Variants in HDAC9 observed in about 807,000 individuals in gnomAD.
The protein encoded by HDAC9 is MEF-2 interacting transcription repressor (MITR) protein.
Under a neutral mutation model 139.4 loss-of-function variants are expected in HDAC9, and 41 were observed. The observed-to-expected ratio is 0.29, with a 90% CI of 0.23 to 0.38. The LOEUF is 0.38. Among genes scored for constraint, HDAC9 ranks in the 10% least tolerant of loss-of-function variants. HDAC9 has a pLI of 1.00. For missense variants in HDAC9, 1,147 were observed against 1,297.0 expected (o/e 0.88, Z 1.78); for synonymous variants, 517 against 476.2 (o/e 1.09, Z -1.12).
At chr7:18,494,293 A>C (rs576986803), upstream of HDAC9, among the ~76,000 whole-genome samples, 4 of 152,144 alleles carry the variant, frequency 2.6e-5, no homozygotes, top group African/African-American at 9.6e-5. Context: ...TTGATGAATG[A>C]TTTAACGTGC....
chr7:18,927,936 A>C (rs1046564556), intron 22 of HDAC9, among the ~76,000 whole-genome samples: 2 of 151,922 alleles, frequency 1.3e-5, no homozygotes, highest in African/African-American at 4.8e-5. Flanking sequence ...AGTTGGGGGG[A>C]GACTTGTCAT....
In HDAC9 at chr7:19,000,612, G is replaced by T. The variant is rs1296235090; in HGVS notation, c.*4550G>T. On this transcript the variant is annotated 3_prime_UTR_variant, in exon 26 of 26. Coordinates refer to ENST00000686413, the MANE Select transcript of HDAC9 (RefSeq NM_178425.4). Reference sequence around the variant, plus strand: ...TTATTACTATGCTGGAAATAACTAGGTCAGACAATGAAACCTTAGACTTTT... The same window carrying T: ...TTATTACTATGCTGGAAATAACTAGTTCAGACAATGAAACCTTAGACTTTT... The T allele has an allele frequency of 6.6e-6, 1 of 152,160 alleles. No individual in the cohort carries two copies. Among genetic ancestry groups the T allele is most frequent in the Non-Finnish European group, 1.5e-5 (1 of 68,016 alleles). 9.4% of individuals were successfully genotyped at this position (152,160 alleles called of 1,614,324 possible).
intron 2 of HDAC9, among the ~76,000 whole-genome samples, chr7:18,500,056 T>C (rs1797968334): frequency 6.6e-6 from 1 of 152,106 alleles, no homozygotes; most frequent in South Asian, 2.1e-4. Flanking sequence ...CTGTTATCAA[T>C]TGAGATAGAT....
chr7:18,117,664 A>T (rs1371240370), intron 1 of HDAC9, among the ~76,000 whole-genome samples: 1 of 152,148 alleles, frequency 6.6e-6, no homozygotes, highest in Non-Finnish European at 1.5e-5. Context: ...CACCAGCAGA[A>T]GCTAGGAAGA....
intron 21 of HDAC9, among the ~76,000 whole-genome samples, chr7:18,852,298 G>T (rs1369287637): frequency 4.6e-5 from 7 of 152,148 alleles, no homozygotes; most frequent in African/African-American, 9.7e-5. Flanking sequence ...GGAGAACAAA[G>T]ATAAGGGAAA....
intron 2 of HDAC9, among the ~76,000 whole-genome samples, chr7:18,241,497 C>T (rs530231644): frequency 1.3e-5 from 2 of 152,290 alleles, no homozygotes; most frequent in African/African-American, 4.8e-5. Context: ...GATCTCCTCA[C>T]GTTGCTGCCT....
intron 1 of HDAC9, among the ~76,000 whole-genome samples, chr7:18,106,939 A>G (rs1232924265): frequency 6.6e-6 from 1 of 152,222 alleles, no homozygotes; most frequent in Admixed American, 6.5e-5. Context: ...GTACCCTACA[A>G]ATGAAAATAA....
At chr7:18,672,497 T>TTA (rs774765610) in intron 12 of HDAC9, among the ~76,000 whole-genome samples, 44 of 152,186 alleles carry the variant, frequency 2.9e-4, no homozygotes, top group South Asian at 6.2e-4. Context: ...TCTCCTATTC[T>TTA]GTCAGTTTTC....
At chr7:18,537,259 G>A (rs946927236) in intron 2 of HDAC9, among the ~76,000 whole-genome samples, 1 of 152,160 alleles carries the variant, frequency 6.6e-6, no homozygotes, top group Non-Finnish European at 1.5e-5. Flanking sequence ...CCAGGAGAAT[G>A]GAAGAAACAT....
At chr7:18,276,324 T>C (rs1737194670) in intron 2 of HDAC9, among the ~76,000 whole-genome samples, 1 of 152,204 alleles carries the variant, frequency 6.6e-6, no homozygotes, top group Non-Finnish European at 1.5e-5. Context: ...AAGTGTGGTA[T>C]TGATACAGTA....
Position 18,672,193 on chromosome 7 carries a change from C to T in HDAC9, c.1731+5717C>T, listed in dbSNP as rs375528897. ...CTAGCAATGTATGAGGGTTCCAGTT[C>T]CTCCACATCTTCTCCATTTGTTATT... On this transcript the variant is annotated intron_variant, in intron 12 of 25. Coordinates refer to ENST00000686413, the MANE Select transcript of HDAC9 (RefSeq NM_178425.4). Among the ~76,000 whole-genome samples the T allele has an allele frequency of 3.3e-5, 5 of 152,002 alleles. No individual in the cohort carries two copies. The East Asian group carries it at 9.7e-4, about 29-fold the overall frequency.
chr7:18,361,192 G>A (rs895641840), intron 1 of HDAC9, among the ~76,000 whole-genome samples: 1 of 152,138 alleles, frequency 6.6e-6, no homozygotes, highest in African/African-American at 2.4e-5. Flanking sequence ...GAAAGTTGGA[G>A]AGATGTATTC....
chr7:18,092,345 G>A (rs1045464139), intron 1 of HDAC9, among the ~76,000 whole-genome samples: 1 of 151,770 alleles, frequency 6.6e-6, no homozygotes, highest in Non-Finnish European at 1.5e-5. Flanking sequence ...AGCCATGATC[G>A]TGCCACCATG....
chr7:18,433,022 C>T (rs767916501), intron 1 of HDAC9, among the ~76,000 whole-genome samples: 1 of 151,370 alleles, frequency 6.6e-6, no homozygotes, highest in Non-Finnish European at 1.5e-5. Flanking sequence ...TATGATTATA[C>T]ACACATCAAA....
chr7:18,156,971 C>G (rs1787254491), intron 1 of HDAC9, among the ~76,000 whole-genome samples: 1 of 152,088 alleles, frequency 6.6e-6, no homozygotes, highest in South Asian at 2.1e-4. Flanking sequence ...GCCTGTAGTC[C>G]CAGCTACTCA....
At chr7:18,131,784 G>A (rs1261007239) in intron 1 of HDAC9, among the ~76,000 whole-genome samples, 1 of 152,128 alleles carries the variant, frequency 6.6e-6, no homozygotes, top group Non-Finnish European at 1.5e-5. Flanking sequence ...ACTCCCTCAT[G>A]GAGAGCAGAT....
chr7:18,784,500 CA>C (rs1158893263), intron 16 of HDAC9, among the ~76,000 whole-genome samples: 3 of 147,712 alleles, frequency 2.0e-5, no homozygotes, highest in Non-Finnish European at 4.4e-5. Context: ...GAGGACAAAA[CA>C]AAAAACAAAA....
At chr7:18,897,310 A>C (rs1801291018) in intron 22 of HDAC9, among the ~76,000 whole-genome samples, 1 of 152,146 alleles carries the variant, frequency 6.6e-6, no homozygotes, top group Middle Eastern at 3.4e-3. Context: ...AAGCCTTTCA[A>C]ATGATCGCTT....
At chr7:18,117,158 C>T (rs1313570387) in intron 1 of HDAC9, among the ~76,000 whole-genome samples, 1 of 152,000 alleles carries the variant, frequency 6.6e-6, no homozygotes, top group African/African-American at 2.4e-5. Context: ...GTGAATGCGA[C>T]CTTATTTGGA....
Sources: allele counts gnomAD v4.1 joint callset (sites outside exome capture counted in the v4.1 genomes callset), GRCh38; gene constraint gnomAD v4.1.1; transcripts MANE v1.5; gene names NCBI Gene and HGNC (gene_info 2026-07-23, HGNC 2026-07-21).